The following MBD5 variants were observed in gnomAD, a reference collection of about 807,000 sequenced individuals.
The protein encoded by MBD5 is methyl-CpG-binding domain protein 5.
In MBD5, 13 loss-of-function variants were observed where a neutral mutation model predicts 117.3. The observed-to-expected ratio is 0.11, with a 90% CI of 0.07 to 0.18. The LOEUF (loss-of-function observed/expected upper bound fraction) is 0.18, where lower values mean the gene tolerates loss of function less well. Ranked by LOEUF, MBD5 falls within the 10% of genes least tolerant of loss-of-function variation. The probability of loss-of-function intolerance (pLI) is 1.00; values close to 1 mark genes in which losing one functional copy is unlikely to be tolerated. For missense variants in MBD5, 1,879 were observed against 2,093.8 expected (o/e 0.90, Z 2.00); for synonymous variants, 727 against 766.4 (o/e 0.95, Z 0.85).
chr2:148,243,763 G>A (rs1051304513), intron 3 of MBD5: 2 of 151,600 alleles, frequency 1.3e-5, no homozygotes, highest in South Asian at 4.2e-4. Flanking sequence ...GACCTTTTTC[G>A]GGGACCCAAG....
chr2:148,456,104 A>G lies in MBD5; in HGVS notation c.-556-2099A>G, dbSNP rs575613198. On this transcript the variant is annotated intron_variant, in intron 4 of 13. Transcript: ENST00000642680. ...ATTGAATAGCTCATTAGTGCCAAATATTACACTGGGCTTTGGATAAATAGT... is the reference window on the plus strand; with the variant it reads ...ATTGAATAGCTCATTAGTGCCAAATGTTACACTGGGCTTTGGATAAATAGT... 2.6e-5 allele frequency among the ~76,000 whole-genome samples: 4 copies of G among 152,274 alleles called. No individual in the cohort carries two copies. In the South Asian group the frequency reaches 8.3e-4, roughly 32 times the overall value.
intron 4 of MBD5, among the ~76,000 whole-genome samples, chr2:148,413,637 T>C (rs1705334152): frequency 6.6e-6 from 1 of 151,854 alleles, no homozygotes; most frequent in East Asian, 1.9e-4. Context: ...TTATTAATGA[T>C]TCAATTTCAG....
At chr2:148,187,986 A>G (rs968670585) in intron 2 of MBD5, among the ~76,000 whole-genome samples, 1 of 152,258 alleles carries the variant, frequency 6.6e-6, no homozygotes, top group Non-Finnish European at 1.5e-5. Flanking sequence ...AGTAAAATAT[A>G]TGGCAATAGT....
intron 3 of MBD5, among the ~76,000 whole-genome samples, chr2:148,274,164 G>A (rs958165985): frequency 6.6e-6 from 1 of 151,954 alleles, no homozygotes; most frequent in Admixed American, 6.6e-5. Flanking sequence ...TGTACAATGA[G>A]ACATTTAACA....
At chr2:148,460,453 T>A (rs1402834549) in intron 5 of MBD5, among the ~76,000 whole-genome samples, 1 of 152,204 alleles carries the variant, frequency 6.6e-6, no homozygotes, top group Non-Finnish European at 1.5e-5. Flanking sequence ...TCAAATTAAA[T>A]TAACCAGCAT....
At chr2:148,484,202 T>A (rs1342453088) in intron 9 of MBD5, 67 bp downstream of exon 9, 2 of 1,291,136 alleles carry the variant, frequency 1.5e-6, no homozygotes, top group Non-Finnish European at 2.0e-6. Context: ...TTCTCCTTTT[T>A]AAAAACTCCA....
chr2:148,485,608 G>A, intron 9 of MBD5, 134 bp from the exon 10 acceptor site: 1 of 696,036 alleles, frequency 1.4e-6, no homozygotes, highest in Non-Finnish European at 2.5e-6. Context: ...AAGACTTTGA[G>A]AAGTAAAAAA....
At position 148,326,803 on chromosome 2, in the gene MBD5, G is replaced by C. The variant is rs1702464582; in HGVS notation, c.-679-15411G>C. Among the ~76,000 whole-genome samples, 5 of 151,774 alleles carry C rather than the reference G, an allele frequency of 3.3e-5. No individual in the cohort carries two copies. In the South Asian group the frequency reaches 6.3e-4, roughly 19 times the overall value. ...GACTCTTTATCCAATTTGCCAGTCT[G>C]TGTCTTTTAATTGGAGCATTTAGTC... On this transcript the variant is annotated intron_variant, in intron 3 of 13. Transcript: ENST00000642680.
intron 4 of MBD5, among the ~76,000 whole-genome samples, chr2:148,444,475 T>A (rs1304836891): frequency 7.3e-5 from 11 of 151,304 alleles, no homozygotes; most frequent in Non-Finnish European, 1.5e-4. Flanking sequence ...TTATCACATC[T>A]CAAGGTTAAA....
chr2:148,180,338 T>TTATGCATATATATATA (rs1698495856), intron 2 of MBD5, among the ~76,000 whole-genome samples: 1 of 13,668 alleles, frequency 7.3e-5, no homozygotes, highest in African/African-American at 1.7e-4. Context: ...TAAAAAAAAA[T>TTATGCATATATATATA]TATACATATA....
intron 1 of MBD5, among the ~76,000 whole-genome samples, chr2:148,166,766 C>T (rs1273653324): frequency 6.6e-6 from 1 of 151,948 alleles, no homozygotes. Context: ...ATTATTTGTG[C>T]CTATTGGAAT....
chr2:148,404,206 A>C (rs1705011114), intron 4 of MBD5, among the ~76,000 whole-genome samples: 1 of 151,274 alleles, frequency 6.6e-6, no homozygotes. Context: ...GGATGCAGTT[A>C]AATTACTTAG....
intron 1 of MBD5, among the ~76,000 whole-genome samples, chr2:148,037,219 T>A (rs1694220371): frequency 1.3e-5 from 2 of 151,966 alleles, no homozygotes; most frequent in Admixed American, 6.6e-5. Context: ...TTTGTTTGTT[T>A]CAAATAACCA....
chr2:148,053,148 C>G lies in MBD5; in HGVS notation c.-925+31464C>G, dbSNP rs181559045. On this transcript the variant is annotated intron_variant, in intron 1 of 13. Transcript: ENST00000642680. ...ATGCCAACTGTTATTGTTGAACTGT[C>G]TATTTCTCCTGCAATTCTGTGAGTT... 1.9e-4 allele frequency among the ~76,000 whole-genome samples: 29 copies of G among 152,154 alleles called. No individual in the cohort carries two copies. In the East Asian group the frequency reaches 5.4e-3, roughly 28 times the overall value.
chr2:148,467,209 T>G (rs1707291298), intron 7 of MBD5, among the ~76,000 whole-genome samples: 1 of 152,122 alleles, frequency 6.6e-6, no homozygotes, highest in South Asian at 2.1e-4. Context: ...TGAAACAAAT[T>G]TTACTTGCCA....
chr2:148,486,475 C>T (rs929529538), intron 10 of MBD5, among the ~76,000 whole-genome samples: 6 of 151,982 alleles, frequency 3.9e-5, no homozygotes, highest in African/African-American at 1.5e-4. Flanking sequence ...CCAAGGCAGT[C>T]AAAAGGAAAA....
At chr2:148,420,745 TGA>T (rs1450255865) in intron 4 of MBD5, among the ~76,000 whole-genome samples, 230 of 149,532 alleles carry the variant, frequency 1.5e-3, no homozygotes, top group African/African-American at 5.3e-3. Context: ...TTTTGTTTTG[TGA>T]CAAGGTCTCA....
chr2:148,310,360 A>C (rs1701999481), intron 3 of MBD5, among the ~76,000 whole-genome samples: 1 of 151,890 alleles, frequency 6.6e-6, no homozygotes, highest in Non-Finnish European at 1.5e-5. Flanking sequence ...ACTTCTTCCT[A>C]ATTTAGTCTT....
At position 148,258,882 on chromosome 2, in the gene MBD5, A is replaced by G. The variant is rs367782977; in HGVS notation, c.-680+25487A>G. Among the ~76,000 whole-genome samples the G allele has an allele frequency of 2.0e-4, 30 of 152,248 alleles. 2 individuals are homozygous for G. The highest frequency in any genetic ancestry group is 6.7e-4 in the African/African-American group (28 of 41,574). On this transcript the variant is annotated intron_variant, in intron 3 of 13. Coordinates refer to ENST00000642680, the MANE Select transcript of MBD5 (RefSeq NM_001378120.1). ...AAGGCGCAGACCCCTTGGTCCTGCC[A>G]GTGGCCTTCTGCTTCCCTGAGAGCC...
Sources: gnomAD v4.1 joint callset for allele counts (sites outside exome capture counted in the v4.1 genomes callset) on GRCh38, gnomAD v4.1.1 for gene constraint, MANE v1.5 for transcripts, NCBI Gene and HGNC (gene_info 2026-07-23, HGNC 2026-07-21) for gene names.